Variants in ZPBP observed in about 807,000 individuals in gnomAD.
ZPBP encodes the protein zona pellucida-binding protein 1.
Under a neutral mutation model 44.8 loss-of-function variants are expected in ZPBP, and 26 were observed. The observed-to-expected ratio is 0.58, with a 90% confidence interval of 0.43 to 0.81. The LOEUF (loss-of-function observed/expected upper bound fraction) is 0.81, where lower values mean the gene tolerates loss of function less well. Among genes scored for constraint, ZPBP ranks in the 30% least tolerant of loss-of-function variants. The pLI is 0.00. For synonymous variants in ZPBP, 174 were observed against 153.2 expected (o/e 1.14, Z -1.00); for missense variants, 409 against 434.0 (o/e 0.94, Z 0.51).
chr7:49,945,360 C>T (rs2128755191), intron 7 of ZPBP, among the ~76,000 whole-genome samples: 1 of 152,160 alleles, frequency 6.6e-6, no homozygotes, highest in South Asian at 2.1e-4. Context: ...CTATTAGGTT[C>T]ATTTGTTGTA....
chr7:49,979,994 T>C (rs1237851564), intron 7 of ZPBP, among the ~76,000 whole-genome samples: 2 of 101,194 alleles, frequency 2.0e-5, no homozygotes, highest in East Asian at 5.3e-4. Context: ...TATAATTTTA[T>C]ATTATATATT....
intron 4 of ZPBP, among the ~76,000 whole-genome samples, chr7:50,042,508 A>G (rs1170728092): frequency 6.6e-6 from 1 of 152,202 alleles, no homozygotes; most frequent in Non-Finnish European, 1.5e-5. Context: ...AGTGGGGGCC[A>G]ATATTCAACA....
chr7:49,846,687 C>T (rs978766495), downstream of ZPBP, among the ~76,000 whole-genome samples: 11 of 152,286 alleles, frequency 7.2e-5, no homozygotes, highest in East Asian at 1.2e-3. Context: ...TCACAGTATC[C>T]ACTGTGCCTA....
At chr7:49,859,804 A>G (rs770211161) in intron 2 of ZPBP, among the ~76,000 whole-genome samples, 5,489 of 147,382 alleles carry the variant, frequency 0.037, 251 homozygotes, top group South Asian at 0.12. Flanking sequence ...ACACACACAC[A>G]CACACACACA....
At chr7:49,875,395 A>AAAAAAAAAAAAAAAC (rs1562746141) in intron 2 of ZPBP, among the ~76,000 whole-genome samples, 2 of 149,490 alleles carry the variant, frequency 1.3e-5, no homozygotes, top group African/African-American at 5.0e-5. Context: ...AAAAAAAAAA[A>AAAAAAAAAAAAAAAC]AACAGGAATA....
chr7:49,959,111 A>C (rs1468138587), intron 7 of ZPBP, among the ~76,000 whole-genome samples: 1 of 152,100 alleles, frequency 6.6e-6, no homozygotes, highest in Non-Finnish European at 1.5e-5. Context: ...AAACCGGCAA[A>C]GAACATCTAA....
At chr7:49,919,648 T>G (rs1793918126) in intron 1 of ZPBP, 1 of 152,184 alleles carries the variant, frequency 6.6e-6, no homozygotes, top group Non-Finnish European at 1.5e-5. Context: ...ATCTGTAGTT[T>G]CAAGGTGTAT....
intron 2 of ZPBP, among the ~76,000 whole-genome samples, chr7:49,893,129 A>C (rs1431490375): frequency 1.3e-5 from 2 of 152,198 alleles, no homozygotes; most frequent in African/African-American, 4.8e-5. Flanking sequence ...GCATGAGAAT[A>C]CTTTAGCCTT....
chr7:49,861,023 T>G (rs1209306144), intron 2 of ZPBP, among the ~76,000 whole-genome samples: 2 of 152,232 alleles, frequency 1.3e-5, no homozygotes, highest in African/African-American at 4.8e-5. Context: ...TCTAGGGAAC[T>G]AAGAAAGTAA....
At chr7:49,965,333 G>GA (rs1381325731) in intron 7 of ZPBP, among the ~76,000 whole-genome samples, 1 of 151,918 alleles carries the variant, frequency 6.6e-6, no homozygotes, top group Non-Finnish European at 1.5e-5. Context: ...CAATCAAAGT[G>GA]AAAAGACAGA....
chr7:49,906,912 T>C (rs1174722206), intron 1 of ZPBP, among the ~76,000 whole-genome samples: 1 of 152,200 alleles, frequency 6.6e-6, no homozygotes, highest in African/African-American at 2.4e-5. Context: ...TATATCTCTT[T>C]CTTGCCTGAA....
intron 2 of ZPBP, among the ~76,000 whole-genome samples, chr7:49,875,280 G>A (rs1050999744): frequency 8.7e-5 from 12 of 138,292 alleles, no homozygotes; most frequent in Non-Finnish European, 1.5e-4. Context: ...TGAGGCAGGA[G>A]AATCGCCTGA....
At chr7:50,087,827 G>A (rs567095942) in intron 2 of ZPBP, among the ~76,000 whole-genome samples, 1 of 152,004 alleles carries the variant, frequency 6.6e-6, no homozygotes, top group South Asian at 2.1e-4. Flanking sequence ...TAGATTGAAA[G>A]ACTTAATATT....
chr7:50,028,627 AG>A (rs1430887023), intron 5 of ZPBP, among the ~76,000 whole-genome samples: 1 of 152,064 alleles, frequency 6.6e-6, no homozygotes, highest in African/African-American at 2.4e-5. Context: ...GAGCTAATAA[AG>A]GAATTCAACC....
chr7:49,914,438 C>T (rs544230646), intron 1 of ZPBP: 18 of 152,346 alleles, frequency 1.2e-4, no homozygotes, highest in Admixed American at 5.2e-4. Context: ...GGGTCACCAG[C>T]ACACACTCCT....
At chr7:49,947,629 C>T (rs1194994949) in intron 7 of ZPBP, among the ~76,000 whole-genome samples, 1 of 152,360 alleles carries the variant, frequency 6.6e-6, no homozygotes, top group South Asian at 2.1e-4. Context: ...CCTGTGGCAA[C>T]CACCACCTGT....
chr7:49,940,715 C>T (rs1794840222), intron 7 of ZPBP: 1 of 980,948 alleles, frequency 1.0e-6, no homozygotes, highest in South Asian at 4.7e-5. Context: ...TTTTTACTCA[C>T]CACTGTCCCA....
chr7:50,045,975 G>T (rs1800336529), intron 4 of ZPBP, among the ~76,000 whole-genome samples: 1 of 152,060 alleles, frequency 6.6e-6, no homozygotes, highest in African/African-American at 2.4e-5. Flanking sequence ...CAGAACAGAG[G>T]CCTCAGAAAT....
chr7:49,912,141 G>A (rs745745635), intron 1 of ZPBP: 3 of 1,614,030 alleles, frequency 1.9e-6, no homozygotes, highest in East Asian at 2.2e-5. Context: ...ATGGAGAATC[G>A]AGCGGCAGGC....
Sources: gnomAD v4.1 joint callset for allele counts (sites outside exome capture counted in the v4.1 genomes callset) on GRCh38, gnomAD v4.1.1 for gene constraint, MANE v1.5 for transcripts, NCBI Gene and HGNC (gene_info 2026-07-23, HGNC 2026-07-21) for gene names.